KDM2A: variants seen among roughly 807,000 people sequenced by gnomAD.
KDM2A encodes the protein lysine demethylase 2A.
In KDM2A, 3 loss-of-function variants were observed where a neutral mutation model predicts 137.3. That is an observed-to-expected ratio of 0.02 (90% CI 0.01 to 0.06). The LOEUF (loss-of-function observed/expected upper bound fraction) is 0.06. KDM2A is among the 10% of genes least tolerant of loss of function. The pLI is 1.00. For synonymous variants in KDM2A, 512 were observed against 541.5 expected (o/e 0.95, Z 0.76); for missense variants, 738 against 1,510.6 (o/e 0.49, Z 8.48).
Position 67,231,861 on chromosome 11 carries a change from C to G in KDM2A, c.1380C>G (p.Gly460=). The G allele has an allele frequency of 6.2e-7, 1 of 1,613,970 alleles. No individual in the cohort carries two copies. The part of the protein sequence containing the change: ...QVHLTHFELE[G]LRCLVDKLES... ...ATCTGACCCATTTTGAGCTTGAAGG[C>G]CTTCGCTGCCTTGTAGATAAGTTGG... The change falls in exon 12 of 21, where the codon GGC becomes GGG. Residue 460 remains glycine, a synonymous_variant. Transcript: ENST00000529006.
intron 5 of KDM2A, among the ~76,000 whole-genome samples, chr11:67,199,831 C>T (rs1287981737): frequency 6.6e-6 from 1 of 152,114 alleles, no homozygotes; most frequent in Non-Finnish European, 1.5e-5. Flanking sequence ...AAACAGCCTT[C>T]TATTGGAAGA....
chr11:67,134,794 C>T (rs1423117965), intron 2 of KDM2A, among the ~76,000 whole-genome samples: 15 of 152,190 alleles, frequency 9.9e-5, no homozygotes, highest in Admixed American at 9.8e-4. Context: ...TGTGAGCCAC[C>T]TCACCTGGCC....
At chr11:67,228,262 T>C in intron 11 of KDM2A, 99 bp downstream of exon 11, 1 of 1,323,788 alleles carries the variant, frequency 7.6e-7, no homozygotes. Flanking sequence ...TTCTTGGTTT[T>C]TTAATTCATC....
At chr11:67,198,992 T>C (rs1857553950) in intron 5 of KDM2A, among the ~76,000 whole-genome samples, 1 of 152,042 alleles carries the variant, frequency 6.6e-6, no homozygotes, top group Non-Finnish European at 1.5e-5. Flanking sequence ...TTGGCCAGGG[T>C]GATCTTAAAC....
At chr11:67,201,772 C>CAAAAAAAAAAAAAAAAAA (rs71056184) in intron 5 of KDM2A, among the ~76,000 whole-genome samples, 5 of 37,820 alleles carry the variant, frequency 1.3e-4, no homozygotes, top group African/African-American at 4.7e-4. Context: ...GACTCCATCT[C>CAAAAAAAAAAAAAAAAAA]AAAAAAAAAA....
rs566264729 is a variant in KDM2A at position 67,250,175 on chromosome 11, G to C, written c.2145G>C (p.Pro715=). The change falls in exon 17 of 21, where the codon CCG becomes CCC. Residue 715 remains proline (P), a synonymous_variant. Transcript: ENST00000529006. The surrounding 1 kb of genome is among the most constrained non-coding windows in gnomAD (Gnocchi z 7.1). ...LRSCDEPLTP[P]PHSPTSMLQL... is the part of the protein sequence containing the mutation. ...GCTGCGATGAGCCTCTCACGCCCCC[G>C]CCTCATTCACCCACTTCCATGCTGC... is the stretch of plus-strand genomic sequence containing the variant. 6.2e-7 allele frequency: 1 copy of C among 1,613,798 alleles called. No homozygotes were observed. Among genetic ancestry groups the C allele is most frequent in the African/African-American group, 1.3e-5 (1 of 75,038 alleles).
chr11:67,248,458 T>G (rs1859314864), intron 16 of KDM2A, 88 bp downstream of exon 16: 1 of 813,654 alleles, frequency 1.2e-6, no homozygotes, highest in Admixed American at 2.4e-5. Flanking sequence ...GCATTAGTGT[T>G]CACACAGTTT....
At position 67,180,085 on chromosome 11, in the gene KDM2A, A is replaced by G. The variant is rs1364693890; in HGVS notation, c.49A>G (p.Thr17Ala). ...ATGTTCCTTTCTTTCCTAGCGTGGT[A>G]CCATGCGACGACGCTATGAAGATGA... ...RIRYSQRLRG[T>A]MRRRYEDDGI... The change falls in exon 3 of 21, where the codon ACC becomes GCC. Residue 17 changes from threonine to alanine, a missense_variant. Physicochemically the swap from Thr to Ala is moderately conservative, Grantham distance 58 (BLOSUM62 0). Transcript: ENST00000529006. 4.3e-6 allele frequency: 7 copies of G among 1,613,550 alleles called. No homozygotes were observed. The highest frequency in any genetic ancestry group is 2.2e-5 in the East Asian group (1 of 44,848).
intron 2 of KDM2A, among the ~76,000 whole-genome samples, chr11:67,179,176 T>C (rs1419983887): frequency 6.6e-6 from 1 of 152,250 alleles, no homozygotes; most frequent in Non-Finnish European, 1.5e-5. Flanking sequence ...TTTCATGTGC[T>C]TATTGTACAT....
chr11:67,204,416 T>C (rs938921000), intron 5 of KDM2A, among the ~76,000 whole-genome samples: 1 of 152,184 alleles, frequency 6.6e-6, no homozygotes, highest in Non-Finnish European at 1.5e-5. Context: ...TTGTCTAATC[T>C]GTATATTTCA....
At chr11:67,158,061 G>A (rs1856558118) in intron 2 of KDM2A, among the ~76,000 whole-genome samples, 1 of 151,312 alleles carries the variant, frequency 6.6e-6, no homozygotes, top group African/African-American at 2.4e-5. Context: ...ATATAGAATA[G>A]TTTCACTGCC....
chr11:67,193,524 A>G (rs1461746023), intron 5 of KDM2A, among the ~76,000 whole-genome samples: 2 of 152,216 alleles, frequency 1.3e-5, no homozygotes, highest in Non-Finnish European at 1.5e-5. Flanking sequence ...CAGAAGAGTC[A>G]CAGCCATGTT....
chr11:67,227,968 A>G, intron 10 of KDM2A, 69 bp from the exon 11 acceptor site: 1 of 1,491,448 alleles, frequency 6.7e-7, no homozygotes, highest in Non-Finnish European at 9.3e-7. Flanking sequence ...TAATGATTAC[A>G]GTAATTCCAT....
intron 2 of KDM2A, among the ~76,000 whole-genome samples, chr11:67,123,127 G>A (rs1051341374): frequency 5.9e-5 from 9 of 151,698 alleles, no homozygotes; most frequent in African/African-American, 2.2e-4. Context: ...GTGCCACCAT[G>A]CCAGGGTAAT....
intron 2 of KDM2A, among the ~76,000 whole-genome samples, chr11:67,169,250 G>A (rs572394361): frequency 6.6e-6 from 1 of 151,694 alleles, no homozygotes; most frequent in Admixed American, 6.6e-5. Flanking sequence ...CACTGCACCC[G>A]GCCTAATCCA....
chr11:67,133,260 G>A (rs996292204), intron 2 of KDM2A, among the ~76,000 whole-genome samples: 4 of 151,308 alleles, frequency 2.6e-5, no homozygotes, highest in South Asian at 2.1e-4. Flanking sequence ...CCACCACACT[G>A]CGCTAATTTT....
Position 67,250,158 on chromosome 11 carries a change from G to A in KDM2A, c.2128G>A (p.Glu710Lys). The A allele has an allele frequency of 6.2e-7, 1 of 1,613,632 alleles. No individual in the cohort carries two copies. The change falls in exon 17 of 21, where the codon GAG becomes AAG. Residue 710 changes from glutamate (E) to lysine (K), a missense_variant. This residue lies in a region of KDM2A where 244 missense variants were observed against 324.6 expected (regional missense o/e 0.75). Coordinates refer to ENST00000529006, the MANE Select transcript of KDM2A (RefSeq NM_012308.3). This position sits in a 1 kb window ranked among gnomAD's most constrained non-coding sequence, Gnocchi z 7.1. ...KVLRPLRSCD[E>K]PLTPPPHSPT... ...CCTGCGGCCCCTGCGGAGCTGCGAT[G>A]AGCCTCTCACGCCCCCGCCTCATTC...
At chr11:67,192,158 C>A (rs781296382) in intron 5 of KDM2A, among the ~76,000 whole-genome samples, 2 of 152,162 alleles carry the variant, frequency 1.3e-5, no homozygotes, top group Non-Finnish European at 2.9e-5. Flanking sequence ...GCATTGACAT[C>A]CACTGTGTAC....
rs1284153717 is a variant in KDM2A at position 67,228,178 on chromosome 11, T to C, written c.1084+15T>C. 1.2e-6 allele frequency: 2 copies of C among 1,613,158 alleles called. No homozygotes were observed. On this transcript the variant is annotated intron_variant, in intron 11 of 20. Transcript: ENST00000529006. The stretch of plus-strand genomic sequence containing the variant: ...CCTCAGCATGGGTAAGTATTCTGCC[T>C]ATAGGAGCTTTGAAGACACCGCTTA...
Sources: allele counts gnomAD v4.1 joint callset (sites outside exome capture counted in the v4.1 genomes callset), GRCh38; gene constraint gnomAD v4.1.1; regional missense constraint gnomAD v4.1.1; non-coding constraint Gnocchi (gnomAD v3.1); transcripts MANE v1.5; gene names NCBI Gene and HGNC (gene_info 2026-07-23, HGNC 2026-07-21).